Variants in HNRNPLL observed in about 807,000 individuals in gnomAD.
The protein encoded by HNRNPLL is heterogeneous nuclear ribonucleoprotein L like.
In HNRNPLL, 25 loss-of-function variants were observed where a neutral mutation model predicts 67.1. The ratio of observed to expected loss-of-function variants is 0.37; its 90% CI spans 0.27 to 0.52. The LOEUF (loss-of-function observed/expected upper bound fraction) is 0.52, where lower values mean the gene tolerates loss of function less well. Among genes scored for constraint, HNRNPLL ranks in the 20% least tolerant of loss-of-function variants. The pLI is 0.90. For synonymous variants in HNRNPLL, 267 were observed against 241.7 expected (o/e 1.10, Z -0.97); for missense variants, 542 against 673.9 (o/e 0.80, Z 2.17).
chr2:38,566,244 T>C, intron 12 of HNRNPLL: 1 of 181,414 alleles, frequency 5.5e-6, no homozygotes, highest in Non-Finnish European at 1.1e-5. Flanking sequence ...GGTGGGTGCC[T>C]ATAATCCCAG....
chr2:38,567,330 G>A (rs1483145990), intron 12 of HNRNPLL, among the ~76,000 whole-genome samples: 2 of 151,936 alleles, frequency 1.3e-5, no homozygotes, highest in South Asian at 4.2e-4. Flanking sequence ...TGGCCAAGCT[G>A]GTCTCGAACT....
Position 38,593,842 on chromosome 2 carries a change from G to A in HNRNPLL, c.190-2194C>T, listed in dbSNP as rs562508259. Among the ~76,000 whole-genome samples, 43 of 145,912 alleles carry A rather than the reference G, an allele frequency of 2.9e-4. 1 individual carries two copies. The Middle Eastern group carries it at 0.018, about 62-fold the overall frequency. On this transcript the variant is annotated intron_variant, in intron 1 of 12. Transcript: ENST00000449105. ...TGTGCCACTGCACTCCAGACTGGGC[G>A]ACGGAGTGAGACTCCGTCTCAAAAA...
intron 1 of HNRNPLL, among the ~76,000 whole-genome samples, chr2:38,599,684 C>T (rs1286997685): frequency 6.6e-6 from 1 of 152,224 alleles, no homozygotes; most frequent in Non-Finnish European, 1.5e-5. Flanking sequence ...ATAATGATCA[C>T]TCACAATTAT....
rs1160386376 is a variant in HNRNPLL at position 38,563,619 on chromosome 2, A to G, written c.*563T>C. On this transcript the variant is annotated 3_prime_UTR_variant, in exon 13 of 13. Coordinates refer to ENST00000449105, the MANE Select transcript of HNRNPLL (RefSeq NM_138394.4). ...CACCAATTTAAATAAGTTTGAATGCATACTGTACACGTGTATCCATGTCTG... is the reference window on the plus strand; with the variant it reads ...CACCAATTTAAATAAGTTTGAATGCGTACTGTACACGTGTATCCATGTCTG... The G allele has an allele frequency of 6.6e-6, 1 of 152,192 alleles. No individual in the cohort carries two copies. Among genetic ancestry groups the G allele is most frequent in the Non-Finnish European group, 1.5e-5 (1 of 67,988 alleles). The allele number at this position is 152,192 out of a possible 1,614,324, so 9.4% of individuals were successfully genotyped here.
chr2:38,592,049 A>G (rs1443414013), intron 1 of HNRNPLL, among the ~76,000 whole-genome samples: 1 of 152,220 alleles, frequency 6.6e-6, no homozygotes. Context: ...TAAAAAGTAA[A>G]CATTTTTTTT....
chr2:38,563,677 C>T lies in HNRNPLL; in HGVS notation c.*505G>A, dbSNP rs551156278. 8 of 153,224 alleles carry T rather than the reference C, an allele frequency of 5.2e-5. No individual in the cohort carries two copies. Among genetic ancestry groups the T allele is most frequent in the African/African-American group, 1.7e-4 (7 of 41,578 alleles). 9.5% of individuals were successfully genotyped at this position (153,224 alleles called of 1,614,324 possible). Reference sequence around the variant, plus strand: ...TTCAGAAATATAAAATCAGTTAAATCTGTAGTACTTAAAATTCAACATATG... The same window carrying T: ...TTCAGAAATATAAAATCAGTTAAATTTGTAGTACTTAAAATTCAACATATG... On this transcript the variant is annotated 3_prime_UTR_variant, in exon 13 of 13. Transcript: ENST00000449105.
chr2:38,573,408 C>T lies in HNRNPLL; in HGVS notation c.894G>A (p.Leu298=), dbSNP rs775394304. ...HDGYGSHGPL[L]PLPSRYRMGS... ...CCATTCTGTAACGACTTGGTAAAGG[C>T]AATAATGGACCATGGGATCCTATAA... The change falls in exon 8 of 13, where the codon TTG becomes TTA. Residue 298 remains leucine (L), a synonymous_variant. Transcript: ENST00000449105. 63 of 1,607,392 alleles carry T rather than the reference C, an allele frequency of 3.9e-5. No individual in the cohort carries two copies. The highest frequency in any genetic ancestry group is 8.5e-7 in the Non-Finnish European group (1 of 1,176,214).
intron 2 of HNRNPLL, among the ~76,000 whole-genome samples, chr2:38,588,328 T>TCA (rs1478038362): frequency 1.3e-5 from 2 of 151,972 alleles, no homozygotes; most frequent in Admixed American, 6.6e-5. Context: ...GGTGGGTGGA[T>TCA]CACAAGGTCA....
At chr2:38,564,617 A>C (rs1300024777) in intron 12 of HNRNPLL, among the ~76,000 whole-genome samples, 2 of 150,294 alleles carry the variant, frequency 1.3e-5, no homozygotes, top group African/African-American at 2.4e-5. Flanking sequence ...CCGTCTCAAA[A>C]AAAAAAAAAA....
intron 8 of HNRNPLL, among the ~76,000 whole-genome samples, 170 bp downstream of exon 8, chr2:38,573,037 TATC>T (rs1173702241): frequency 6.6e-6 from 1 of 151,984 alleles, no homozygotes; most frequent in Non-Finnish European, 1.5e-5. Flanking sequence ...ACTTATTACT[TATC>T]AACAAAAAAC....
Position 38,602,547 on chromosome 2 carries a change from G to T in HNRNPLL, c.80C>A (p.Thr27Asn). The T allele has an allele frequency of 6.4e-7, 1 of 1,563,518 alleles. No individual in the cohort carries two copies. Reference sequence around the variant, plus strand: ...CGAGTAGTCGATCTCCCCCTCCTCGGTCTTGAGACGCTTGGCCTGGCTCTC... The same window carrying T: ...CGAGTAGTCGATCTCCCCCTCCTCGTTCTTGAGACGCTTGGCCTGGCTCTC... ...EYESQAKRLK[T>N]EEGEIDYSAE... The change falls in exon 1 of 13, where the codon ACC (threonine) becomes AAC (asparagine). Residue 27 changes from threonine to asparagine, a missense_variant. Physicochemically the swap from Thr to Asn is moderately conservative, Grantham distance 65. This residue lies in a region of HNRNPLL where 127 missense variants were observed against 98.7 expected (regional missense o/e 1.29). Coordinates refer to ENST00000449105, the MANE Select transcript of HNRNPLL (RefSeq NM_138394.4).
chr2:38,573,113 GATATTCC>G (rs1666156821), intron 8 of HNRNPLL, 90 bp downstream of exon 8: 5 of 760,764 alleles, frequency 6.6e-6, no homozygotes, highest in Non-Finnish European at 1.1e-5. Context: ...AAAGAATTTG[GATATTCC>G]TGATACAAGG....
At chr2:38,595,313 C>T (rs1465751067) in intron 1 of HNRNPLL, among the ~76,000 whole-genome samples, 1 of 134,654 alleles carries the variant, frequency 7.4e-6, no homozygotes, top group African/African-American at 2.7e-5. Context: ...GAAAAAAACA[C>T]AAAACAATAA....
chr2:38,565,887 C>T (rs985400532), intron 12 of HNRNPLL: 2 of 316,512 alleles, frequency 6.3e-6, no homozygotes, highest in Admixed American at 1.3e-4. Flanking sequence ...ACTTTATCTA[C>T]CTACCCTTCA....
Position 38,602,709 on chromosome 2 carries a change from C to A in HNRNPLL, c.-83G>T. 7.0e-7 allele frequency: 1 copy of A among 1,430,622 alleles called. No individual in the cohort carries two copies. Among genetic ancestry groups the A allele is most frequent in the Non-Finnish European group, 9.1e-7 (1 of 1,095,584 alleles). The allele number at this position is 1,430,622 out of a possible 1,614,324, so 88.6% of individuals were successfully genotyped here. A position where few individuals can be genotyped will look rare whatever the true frequency, so the allele number is the denominator to read the frequency against. ...CTCGGATGCCGCCGGCCAGTCCTCG[C>A]CGCCGGCAGCGCCTCTTCTGCGAGG... On this transcript the variant is annotated 5_prime_UTR_variant, in exon 1 of 13. Coordinates refer to ENST00000449105, the MANE Select transcript of HNRNPLL (RefSeq NM_138394.4).
chr2:38,602,345 A>T, intron 1 of HNRNPLL, 93 bp downstream of exon 1: 1 of 1,236,612 alleles, frequency 8.1e-7, no homozygotes, highest in Non-Finnish European at 1.1e-6. Flanking sequence ...GCAGCGGAAA[A>T]GGCTAACTGA....
Position 38,585,825 on chromosome 2 carries a change from T to A in HNRNPLL, c.365A>T (p.Asp122Val). 6.2e-7 allele frequency: 1 copy of A among 1,614,032 alleles called. No homozygotes were observed. The highest frequency in any genetic ancestry group is 8.5e-7 in the Non-Finnish European group (1 of 1,179,906). Residue 122 changes from aspartate to valine, a missense_variant, in exon 3 of 13, where the codon GAT (aspartate) becomes GTT (valine). By Grantham distance (152) the Asp-to-Val change is radical. Coordinates refer to ENST00000449105, the MANE Select transcript of HNRNPLL (RefSeq NM_138394.4). The part of the protein sequence containing the change: ...RQALVEFENI[D>V]SAKECVTFAA... ...AAATGTCACACATTCTTTGGCACTA[T>A]CTATGTTTTCAAATTCCACTAGAGC...
chr2:38,602,762 A>G lies in HNRNPLL; in HGVS notation c.-136T>C, dbSNP rs1667505830. 4.0e-6 allele frequency: 6 copies of G among 1,517,056 alleles called. No individual in the cohort carries two copies. Among genetic ancestry groups the G allele is most frequent in the Non-Finnish European group, 4.4e-6 (5 of 1,132,038 alleles). 94.0% of individuals were successfully genotyped at this position (1,517,056 alleles called of 1,614,324 possible). ...CTCCGCGGCCCGGCCGTCCGCGGGG[A>G]CTGCGCGGCCAGGAGACTGGCGGCT... On this transcript the variant is annotated 5_prime_UTR_variant, in exon 1 of 13. Transcript: ENST00000449105.
Position 38,602,582 on chromosome 2 carries a change from G to C in HNRNPLL, c.45C>G (p.Asp15Glu). The C allele has an allele frequency of 6.4e-7, 1 of 1,574,180 alleles. No individual in the cohort carries two copies. The highest frequency in any genetic ancestry group is 8.6e-7 in the Non-Finnish European group (1 of 1,161,998). Residue 15 changes from aspartate (D) to glutamate (E), a missense_variant, in exon 1 of 13, where the codon GAC becomes GAG. Physicochemically the swap from Asp to Glu is conservative, Grantham distance 45 (BLOSUM62 2). Coordinates refer to ENST00000449105, the MANE Select transcript of HNRNPLL (RefSeq NM_138394.4). ...SSSPRETYEEDREYESQAKRL... is the reference protein window; with the variant it reads ...SSSPRETYEEEREYESQAKRL... ...GCTTGGCCTGGCTCTCGTACTCCCG[G>C]TCCTCCTCGTACGTCTCCCTGGGGG... is the stretch of plus-strand genomic sequence containing the variant.
Sources: allele counts gnomAD v4.1 joint callset (sites outside exome capture counted in the v4.1 genomes callset), GRCh38; gene constraint gnomAD v4.1.1; regional missense constraint gnomAD v4.1.1; transcripts MANE v1.5; gene names NCBI Gene and HGNC (gene_info 2026-07-23, HGNC 2026-07-21).